The following ACOT1 variants were observed in gnomAD, a reference collection of about 807,000 sequenced individuals.
ACOT1 encodes the protein acyl-coenzyme A thioesterase 1.
ACOT1 carries 8 observed loss-of-function variants against 15.7 expected under a neutral mutation model. The ratio of observed to expected loss-of-function variants is 0.51; its 90% CI spans 0.30 to 0.92. The LOEUF (loss-of-function observed/expected upper bound fraction) is 0.92, where lower values mean the gene tolerates loss of function less well. Among genes scored for constraint, ACOT1 ranks in the 40% least tolerant of loss-of-function variants. ACOT1 has a pLI of 0.06. For missense variants in ACOT1, 151 were observed against 539.4 expected, an observed-to-expected ratio of 0.28 and a Z score of 7.13; for synonymous variants, 67 against 241.2, an observed-to-expected ratio of 0.28 and a Z score of 6.69.
upstream of ACOT1, among the ~76,000 whole-genome samples, chr14:73,534,897 G>A (rs1888814325): frequency 9.2e-6 from 1 of 108,824 alleles, no homozygotes; most frequent in Non-Finnish European, 2.0e-5. Flanking sequence ...TCCTGCCTAG[G>A]CCTCCCCCCT....
the ACOT1 span, among the ~76,000 whole-genome samples, chr14:73,509,664 T>C: frequency 1.5e-3 from 228 of 151,418 alleles, no homozygotes; most frequent in Middle Eastern, 3.4e-3. Context: ...AAAGCTCACC[T>C]GTGTGCTGGT....
the ACOT1 span, chr14:73,514,231 T>C: frequency 6.2e-7 from 1 of 1,613,944 alleles, no homozygotes; most frequent in African/African-American, 1.3e-5. Flanking sequence ...CACAGGTCTG[T>C]AAGCTGTGCA....
chr14:73,519,900 C>T, the ACOT1 span: 1 of 151,976 alleles, frequency 6.6e-6, no homozygotes, highest in African/African-American at 2.4e-5. Context: ...CCTATAATCC[C>T]AGCTATTTGG....
the ACOT1 span, among the ~76,000 whole-genome samples, chr14:73,526,933 G>A: frequency 1.3e-5 from 2 of 152,336 alleles, no homozygotes; most frequent in Admixed American, 6.5e-5. Flanking sequence ...AGACAGCCCA[G>A]TGGGGAGAGA....
the ACOT1 span, chr14:73,519,177 A>G: frequency 6.2e-7 from 1 of 1,607,874 alleles, no homozygotes; most frequent in South Asian, 1.1e-5. Context: ...TGAACAGACA[A>G]AGAAACAATG....
At chr14:73,540,152 T>C (rs1185846547) in intron 1 of ACOT1, among the ~76,000 whole-genome samples, 1 of 11,458 alleles carries the variant, frequency 8.7e-5, no homozygotes, top group African/African-American at 1.1e-3. Flanking sequence ...CTAGAAGGAG[T>C]CAACATATTC....
chr14:73,504,422 T>C, the ACOT1 span, among the ~76,000 whole-genome samples: 3 of 152,112 alleles, frequency 2.0e-5, no homozygotes, highest in Non-Finnish European at 2.9e-5. Flanking sequence ...TTTTTTATTT[T>C]TAGTAGAGAC....
chr14:73,495,171 C>G, the ACOT1 span: 1 of 1,500,750 alleles, frequency 6.7e-7, no homozygotes, highest in Non-Finnish European at 9.1e-7. Flanking sequence ...ACATCCAGAT[C>G]CTGGAAGAGG....
chr14:73,494,685 G>C, the ACOT1 span, among the ~76,000 whole-genome samples: 1 of 152,064 alleles, frequency 6.6e-6, no homozygotes, highest in African/African-American at 2.4e-5. Context: ...TTAGTAGATA[G>C]GACTACCAGT....
the ACOT1 span, among the ~76,000 whole-genome samples, chr14:73,497,841 G>A: frequency 6.6e-6 from 1 of 151,912 alleles, no homozygotes; most frequent in African/African-American, 2.4e-5. Context: ...GGTCAGGCTG[G>A]TCTCAAACTC....
At chr14:73,492,279 C>G in the ACOT1 span, 1 of 1,614,062 alleles carries the variant, frequency 6.2e-7, no homozygotes, top group East Asian at 2.2e-5. This position sits in a 1 kb window ranked among gnomAD's most constrained non-coding sequence, Gnocchi z 4.9. Flanking sequence ...CTCACCTTGT[C>G]CACGTACCAG....
the ACOT1 span, among the ~76,000 whole-genome samples, chr14:73,518,482 T>C: frequency 6.6e-6 from 1 of 151,978 alleles, no homozygotes; most frequent in African/African-American, 2.4e-5. Context: ...ATCTGAACAG[T>C]AATCCTACAA....
chr14:73,490,939 C>T, the ACOT1 span: 3 of 1,276,868 alleles, frequency 2.3e-6, no homozygotes, highest in Non-Finnish European at 9.9e-7. Context: ...TCCCAGAGTG[C>T]ACCGCAGCCG....
the ACOT1 span, among the ~76,000 whole-genome samples, chr14:73,502,085 G>A: frequency 2.0e-5 from 3 of 149,678 alleles, no homozygotes; most frequent in East Asian, 5.9e-4. Flanking sequence ...GTAGAGGCAA[G>A]GTCTTGCTAT....
the ACOT1 span, among the ~76,000 whole-genome samples, chr14:73,508,862 TAG>T: frequency 6.6e-6 from 1 of 152,044 alleles, no homozygotes; most frequent in Non-Finnish European, 1.5e-5. Flanking sequence ...TCCTTTTTTT[TAG>T]AGACAGGGTC....
chr14:73,505,753 G>A, the ACOT1 span, among the ~76,000 whole-genome samples: 1 of 152,050 alleles, frequency 6.6e-6, no homozygotes, highest in African/African-American at 2.4e-5. Flanking sequence ...CACTCATTTA[G>A]ATGGGTTTTT....
chr14:73,506,215 C>T, the ACOT1 span, among the ~76,000 whole-genome samples: 4 of 152,080 alleles, frequency 2.6e-5, no homozygotes, highest in Non-Finnish European at 5.9e-5. Context: ...AAACTCCTGT[C>T]AGTTTTTGTG....
chr14:73,498,199 G>A, the ACOT1 span: 5 of 1,613,934 alleles, frequency 3.1e-6, no homozygotes, highest in Non-Finnish European at 4.2e-6. Flanking sequence ...CGTCTAGGAA[G>A]GTGTCCCTGA....
At chr14:73,518,594 A>C in the ACOT1 span, among the ~76,000 whole-genome samples, 1 of 152,172 alleles carries the variant, frequency 6.6e-6, no homozygotes, top group Non-Finnish European at 1.5e-5. Context: ...AGAGTGAAGA[A>C]TGATGAACTT....
Sources: gnomAD v4.1 joint callset for allele counts (sites outside exome capture counted in the v4.1 genomes callset) on GRCh38, gnomAD v4.1.1 for gene constraint, Gnocchi (gnomAD v3.1) non-coding constraint, MANE v1.5 for transcripts, NCBI Gene and HGNC (gene_info 2026-07-23, HGNC 2026-07-21) for gene names.